SORCS2: variants seen among roughly 807,000 people sequenced by gnomAD.
SORCS2 encodes VPS10 domain-containing receptor SorCS2.
SORCS2 carries 100 observed loss-of-function variants against 141.6 expected under a neutral mutation model. The observed-to-expected ratio is 0.71, with a 90% CI of 0.60 to 0.83. SORCS2 has a LOEUF of 0.83. Among genes scored for constraint, SORCS2 ranks in the 40% least tolerant of loss-of-function variants. The probability of loss-of-function intolerance (pLI) is 0.00; values close to 1 mark genes in which losing one functional copy is unlikely to be tolerated. For synonymous variants in SORCS2, 789 were observed against 676.9 expected, an observed-to-expected ratio of 1.17 and a Z score of -2.57; for missense variants, 1,646 against 1,560.2, an observed-to-expected ratio of 1.05 and a Z score of -0.93.
intron 2 of SORCS2, among the ~76,000 whole-genome samples, chr4:7,494,901 GAGCAGGA>G (rs1429435355): frequency 6.6e-6 from 1 of 152,224 alleles, no homozygotes; most frequent in Non-Finnish European, 1.5e-5. Context: ...GTGGGTGATG[GAGCAGGA>G]AGGTGCTGGT....
At chr4:7,507,125 G>A (rs1455624556) in intron 2 of SORCS2, among the ~76,000 whole-genome samples, 1 of 151,950 alleles carries the variant, frequency 6.6e-6, no homozygotes, top group Non-Finnish European at 1.5e-5. Flanking sequence ...TTTATCCTTA[G>A]GTTTAGATAT....
chr4:7,317,652 C>T (rs1456306408), intron 1 of SORCS2, among the ~76,000 whole-genome samples: 1 of 139,836 alleles, frequency 7.2e-6, no homozygotes, highest in Non-Finnish European at 1.6e-5. Context: ...GTTTCTTCAC[C>T]TCTGTTTTCC....
chr4:7,701,802 C>T (rs1000764945), intron 12 of SORCS2, among the ~76,000 whole-genome samples: 12 of 152,172 alleles, frequency 7.9e-5, no homozygotes, highest in African/African-American at 2.9e-4. Flanking sequence ...TATGGAGGGG[C>T]AGAGGGAAGA....
At chr4:7,707,925 G>A (rs573331282) in intron 14 of SORCS2, among the ~76,000 whole-genome samples, 2 of 148,304 alleles carry the variant, frequency 1.3e-5, no homozygotes, top group African/African-American at 2.6e-5. Flanking sequence ...ACACAGCTCC[G>A]CCCCCGTCTC....
At chr4:7,252,597 C>A (rs1713580222) in intron 1 of SORCS2, among the ~76,000 whole-genome samples, 1 of 152,162 alleles carries the variant, frequency 6.6e-6, no homozygotes, top group Admixed American at 6.5e-5. Flanking sequence ...TTGCACCAGA[C>A]AGCGACTCTT....
At chr4:7,415,420 C>T (rs76623120) in intron 2 of SORCS2, among the ~76,000 whole-genome samples, 1 of 152,210 alleles carries the variant, frequency 6.6e-6, no homozygotes, top group South Asian at 2.1e-4. Context: ...AAGCCAGCAG[C>T]GTCACCTCCC....
At chr4:7,353,195 C>A (rs1721052222) in intron 1 of SORCS2, among the ~76,000 whole-genome samples, 1 of 152,122 alleles carries the variant, frequency 6.6e-6, no homozygotes, top group African/African-American at 2.4e-5. Flanking sequence ...GCAGGGCCAT[C>A]CCTGCAGAGG....
chr4:7,273,211 G>T (rs1353218732), intron 1 of SORCS2, among the ~76,000 whole-genome samples: 1 of 152,212 alleles, frequency 6.6e-6, no homozygotes, highest in Non-Finnish European at 1.5e-5. Flanking sequence ...GCATATCAAG[G>T]AAAATGAAGA....
intron 2 of SORCS2, among the ~76,000 whole-genome samples, chr4:7,451,662 C>T (rs144750769): frequency 7.1e-4 from 108 of 152,390 alleles, no homozygotes; most frequent in African/African-American, 2.2e-3. Flanking sequence ...GGTTGAGACC[C>T]TCAACTGCCA....
rs564531058 is a variant in SORCS2, at chr4:7,304,569, G to A, written c.481-91719G>A. Among the ~76,000 whole-genome samples the A allele has an allele frequency of 3.9e-5, 6 of 152,210 alleles. No homozygotes were observed. The East Asian group carries it at 5.8e-4, about 15-fold the overall frequency. On this transcript the variant is annotated intron_variant, in intron 1 of 26. Coordinates refer to ENST00000507866, the MANE Select transcript of SORCS2 (RefSeq NM_020777.3). ...TCTGGGCCTGTGAGAGCCAGGTAGC[G>A]TTCATGAGCCTCATCAGTGCTCAGT...
chr4:7,397,810 G>C (rs925540021), intron 2 of SORCS2, among the ~76,000 whole-genome samples: 1 of 152,238 alleles, frequency 6.6e-6, no homozygotes, highest in Non-Finnish European at 1.5e-5. Context: ...CTGCTGGGCA[G>C]AGGGTCTCAG....
intron 1 of SORCS2, among the ~76,000 whole-genome samples, chr4:7,235,981 G>A (rs756145773): frequency 6.6e-6 from 1 of 152,190 alleles, no homozygotes; most frequent in African/African-American, 2.4e-5. Context: ...TTTACTAGAT[G>A]CTGAAGATGG....
intron 3 of SORCS2, among the ~76,000 whole-genome samples, chr4:7,595,624 C>T (rs1431256355): frequency 1.3e-5 from 2 of 151,362 alleles, no homozygotes; most frequent in African/African-American, 4.9e-5. Context: ...GAGCTGTGTG[C>T]CAGGAACCGG....
intron 3 of SORCS2, among the ~76,000 whole-genome samples, chr4:7,546,085 G>C (rs777622393): frequency 2.0e-5 from 3 of 152,136 alleles, no homozygotes; most frequent in Non-Finnish European, 2.9e-5. Flanking sequence ...CCTCCCAAAG[G>C]TCCTGCCTCC....
intron 1 of SORCS2, among the ~76,000 whole-genome samples, chr4:7,199,399 A>T (rs540642284): frequency 6.6e-6 from 1 of 152,200 alleles, no homozygotes; most frequent in Admixed American, 6.5e-5. Context: ...GAGGATGAGG[A>T]TGACTGGCAA....
rs182069854 is a variant in SORCS2, at chr4:7,413,336, C to T, written c.548+16981C>T. Among the ~76,000 whole-genome samples the T allele has an allele frequency of 2.0e-5, 3 of 149,752 alleles. 1 individual carries two copies. Among genetic ancestry groups the T allele is most frequent in the South Asian group, 4.3e-4 (2 of 4,696 alleles). On this transcript the variant is annotated intron_variant, in intron 2 of 26. Transcript: ENST00000507866. ...GTACGTGATTTATAAATTTAGAATT[C>T]CAATTGAATTATGTATTAAACATGT...
At chr4:7,251,481 A>G (rs1391334090) in intron 1 of SORCS2, among the ~76,000 whole-genome samples, 1 of 152,242 alleles carries the variant, frequency 6.6e-6, no homozygotes, top group South Asian at 2.1e-4. Context: ...TGTAAGCCGT[A>G]ATGTGCTGTT....
At chr4:7,581,038 A>G (rs989089105) in intron 3 of SORCS2, among the ~76,000 whole-genome samples, 10 of 152,298 alleles carry the variant, frequency 6.6e-5, no homozygotes, top group Admixed American at 1.3e-4. Flanking sequence ...AGATGAGGAA[A>G]CTGAGGCTCA....
At chr4:7,403,299 TCGAG>T (rs1456137156) in intron 2 of SORCS2, among the ~76,000 whole-genome samples, 2 of 152,168 alleles carry the variant, frequency 1.3e-5, no homozygotes, top group Non-Finnish European at 2.9e-5. Flanking sequence ...ATACTGGGAC[TCGAG>T]CTGACAGGAA....
Sources: gnomAD v4.1 joint callset for allele counts (sites outside exome capture counted in the v4.1 genomes callset) on GRCh38, gnomAD v4.1.1 for gene constraint, MANE v1.5 for transcripts, NCBI Gene and HGNC (gene_info 2026-07-23, HGNC 2026-07-21) for gene names.